Variants in PTP4A3 observed in about 807,000 individuals in gnomAD.
The protein encoded by PTP4A3 is protein tyrosine phosphatase 4A3.
PTP4A3 carries 9 observed loss-of-function variants against 15.2 expected under a neutral mutation model. The ratio of observed to expected loss-of-function variants is 0.59; its 90% CI spans 0.36 to 1.03. The LOEUF is 1.03. Ranked by LOEUF, PTP4A3 falls within the 50% of genes least tolerant of loss-of-function variation. PTP4A3 has a pLI of 0.02. For synonymous variants in PTP4A3, 95 were observed against 102.0 expected (o/e 0.93, Z 0.41); for missense variants, 234 against 252.1 (o/e 0.93, Z 0.49).
rs374106800 is a variant in PTP4A3, at chr8:141,431,086, C to T, written c.*42C>T. 3 of 1,594,966 alleles carry T rather than the reference C, an allele frequency of 1.9e-6. No homozygotes were observed. Among genetic ancestry groups the T allele is most frequent in the Non-Finnish European group, 2.6e-6 (3 of 1,163,916 alleles). On this transcript the variant is annotated 3_prime_UTR_variant, in exon 6 of 6. Coordinates refer to ENST00000521578, the MANE Select transcript of PTP4A3 (RefSeq NM_032611.3). ...GGCCTGGTCGTCATGTAGGTCAGGA[C>T]CTTGGCTGGACCTGGAGGCCCTGCC...
intron 1 of PTP4A3, among the ~76,000 whole-genome samples, chr8:141,402,924 T>C (rs1832630702): frequency 6.6e-6 from 1 of 152,018 alleles, no homozygotes; most frequent in South Asian, 2.1e-4. Flanking sequence ...GGGGGCTTGT[T>C]TGTTGGGTGC....
intron 3 of PTP4A3, chr8:141,426,677 AG>A: frequency 1.0e-6 from 1 of 984,956 alleles, no homozygotes; most frequent in Non-Finnish European, 1.2e-6. Flanking sequence ...CTATTCAGAA[AG>A]GGGTGGGGTG....
At chr8:141,417,440 G>A (rs1020514607) in intron 1 of PTP4A3, among the ~76,000 whole-genome samples, 1 of 152,086 alleles carries the variant, frequency 6.6e-6, no homozygotes, top group African/African-American at 2.4e-5. Flanking sequence ...GGAGGGACTC[G>A]GGCGCCCTCC....
rs898722671 is a variant in PTP4A3, at chr8:141,399,490, A to G, written c.-854+7406A>G. Among the ~76,000 whole-genome samples the G allele has an allele frequency of 2.0e-5, 3 of 151,752 alleles. No individual in the cohort carries two copies. In the East Asian group the frequency reaches 5.8e-4, roughly 30 times the overall value. ...TCGGTGGCCTCCCTGTCCCCTCCGC[A>G]TGGCCCTGGGGAGCTACAAGGCCTG... On this transcript the variant is annotated intron_variant, in intron 1 of 5. Coordinates refer to ENST00000521578, the MANE Select transcript of PTP4A3 (RefSeq NM_032611.3).
intron 1 of PTP4A3, among the ~76,000 whole-genome samples, chr8:141,405,770 C>T (rs1256989252): frequency 6.6e-6 from 1 of 151,816 alleles, no homozygotes; most frequent in Non-Finnish European, 1.5e-5. Flanking sequence ...GGACAGGTCT[C>T]GGTGGCTAGC....
rs1833869234 is a variant in PTP4A3 at position 141,431,364 on chromosome 8, CTGTT to C, written c.*325_*328del. ...ACCAGCCAGGCTGGTCTCCTCTAGC[CTGTT>C]TGTTGTGGGGTGGGGGTATATTTTG... On this transcript the variant is annotated 3_prime_UTR_variant, in exon 6 of 6. Coordinates refer to ENST00000521578, the MANE Select transcript of PTP4A3 (RefSeq NM_032611.3). The C allele has an allele frequency of 2.4e-6, 1 of 410,660 alleles. No individual in the cohort carries two copies. Among genetic ancestry groups the C allele is most frequent in the African/African-American group, 2.0e-5 (1 of 49,210 alleles). 25.4% of individuals were successfully genotyped at this position (410,660 alleles called of 1,614,324 possible).
In PTP4A3 at chr8:141,424,315, A is replaced by T. The variant is rs563680202; in HGVS notation, c.106-733A>T. Among the ~76,000 whole-genome samples, 5 of 152,260 alleles carry T rather than the reference A, an allele frequency of 3.3e-5. No homozygotes were observed. The South Asian group carries it at 1.0e-3, about 32-fold the overall frequency. Reference sequence around the variant, plus strand: ...GGAGTGGATCCTCCGCAGTGGGGGTATAACTATCGGCCTGGCTGTGAACTA... The same window carrying T: ...GGAGTGGATCCTCCGCAGTGGGGGTTTAACTATCGGCCTGGCTGTGAACTA... On this transcript the variant is annotated intron_variant, in intron 2 of 5. Transcript: ENST00000521578.
chr8:141,424,172 C>G (rs1383867733), intron 2 of PTP4A3, among the ~76,000 whole-genome samples: 2 of 152,114 alleles, frequency 1.3e-5, no homozygotes, highest in Non-Finnish European at 2.9e-5. Flanking sequence ...GTGCTGGCCT[C>G]TCTGTGTTCC....
At chr8:141,427,937 G>C (rs1055933182) in intron 5 of PTP4A3, 113 bp downstream of exon 5, 2 of 1,050,370 alleles carry the variant, frequency 1.9e-6, no homozygotes, top group East Asian at 5.3e-5. Flanking sequence ...AGGCTGCGTC[G>C]ATCAGCACAA....
At chr8:141,419,696 C>T (rs1030474682) in intron 1 of PTP4A3, among the ~76,000 whole-genome samples, 13 of 152,166 alleles carry the variant, frequency 8.5e-5, no homozygotes, top group South Asian at 2.1e-4. Flanking sequence ...CTCAGCCTCC[C>T]GAGTAGCTGG....
intron 1 of PTP4A3, among the ~76,000 whole-genome samples, chr8:141,393,620 A>G (rs1563720808): frequency 6.6e-6 from 1 of 152,200 alleles, no homozygotes; most frequent in Non-Finnish European, 1.5e-5. Flanking sequence ...GATGAGATGC[A>G]GCCTCCAGGT....
At chr8:141,399,278 T>G (rs1321883216) in intron 1 of PTP4A3, among the ~76,000 whole-genome samples, 3 of 152,192 alleles carry the variant, frequency 2.0e-5, no homozygotes, top group Non-Finnish European at 4.4e-5. Flanking sequence ...GCTCGCCTGG[T>G]CCTGGGGCCC....
At position 141,418,623 on chromosome 8, in the gene PTP4A3, T is replaced by TGGTAGCAGGAGGGAAGGA. The variant is rs574489125; in HGVS notation, c.-853-2749_-853-2732dup. 1.2e-4 allele frequency among the ~76,000 whole-genome samples: 19 copies of TGGTAGCAGGAGGGAAGGA among 152,280 alleles called. No individual in the cohort carries two copies. The East Asian group carries it at 3.5e-3, about 28-fold the overall frequency. ...ATCTTGGGAAGGGTTCTGCAGGGCTTGGTAGCAGGAGGGAAGGAGGTAGCA... is the reference window on the plus strand; with the variant it reads ...ATCTTGGGAAGGGTTCTGCAGGGCTTGGTAGCAGGAGGGAAGGAGGTAGCAGGAGGGAAGGAGGTAGCA... On this transcript the variant is annotated intron_variant, in intron 1 of 5. Transcript: ENST00000521578.
intron 1 of PTP4A3, among the ~76,000 whole-genome samples, chr8:141,412,346 G>A (rs770207375): frequency 7.9e-5 from 12 of 152,238 alleles, no homozygotes; most frequent in Admixed American, 4.6e-4. Context: ...TCCCAAGTGA[G>A]CATGGGTGGC....
chr8:141,418,238 C>T (rs1289055327), intron 1 of PTP4A3, among the ~76,000 whole-genome samples: 2 of 152,234 alleles, frequency 1.3e-5, no homozygotes, highest in Non-Finnish European at 2.9e-5. Flanking sequence ...TCTCCTGAGA[C>T]CCGCTGAGCC....
At position 141,431,250 on chromosome 8, in the gene PTP4A3, C is replaced by G. The variant is rs1129594; in HGVS notation, c.*206C>G. 3 of 587,924 alleles carry G rather than the reference C, an allele frequency of 5.1e-6. No individual in the cohort carries two copies. The highest frequency in any genetic ancestry group is 9.0e-6 in the Non-Finnish European group (3 of 332,170). The allele number at this position is 587,924 out of a possible 1,614,324, so 36.4% of individuals were successfully genotyped here. On this transcript the variant is annotated 3_prime_UTR_variant, in exon 6 of 6. Transcript: ENST00000521578. ...GCCCTGGGTGGCCTCTGGGCCCTTT[C>G]TCCTGTCTCCGCCACTCCCTCTGGC...
intron 1 of PTP4A3, among the ~76,000 whole-genome samples, chr8:141,398,521 C>T (rs1832505913): frequency 6.6e-6 from 1 of 152,098 alleles, no homozygotes; most frequent in Non-Finnish European, 1.5e-5. Context: ...TGGAGCAGGG[C>T]CTGCGGGGAT....
intron 2 of PTP4A3, 74 bp downstream of exon 2, chr8:141,422,419 TC>T: frequency 6.5e-7 from 1 of 1,529,738 alleles, no homozygotes; most frequent in Non-Finnish European, 9.0e-7. Context: ...CCCTCAGGCC[TC>T]GCAAGAGGGG....
chr8:141,404,445 G>T (rs1832677446), intron 1 of PTP4A3, among the ~76,000 whole-genome samples: 2 of 152,356 alleles, frequency 1.3e-5, no homozygotes, highest in Non-Finnish European at 2.9e-5. Context: ...CCTGTCCTGG[G>T]GTCCTGGGGT....
Sources: gnomAD v4.1 joint callset for allele counts (sites outside exome capture counted in the v4.1 genomes callset) on GRCh38, gnomAD v4.1.1 for gene constraint, MANE v1.5 for transcripts, NCBI Gene and HGNC (gene_info 2026-07-23, HGNC 2026-07-21) for gene names.